EBF1: variants seen among roughly 807,000 people sequenced by gnomAD.
The protein encoded by EBF1 is EBF transcription factor 1, also known as transcription factor COE1.
Under a neutral mutation model 68.4 loss-of-function variants are expected in EBF1, and 10 were observed. The ratio of observed to expected loss-of-function variants is 0.15; its 90% CI spans 0.09 to 0.25. The LOEUF is 0.25. Ranked by LOEUF, EBF1 falls within the 10% of genes least tolerant of loss-of-function variation. The probability of loss-of-function intolerance (pLI) is 1.00; values close to 1 mark genes in which losing one functional copy is unlikely to be tolerated. For synonymous variants in EBF1, 298 were observed against 299.8 expected (o/e 0.99, Z 0.06); for missense variants, 509 against 794.4 (o/e 0.64, Z 4.32).
At chr5:159,093,398 C>T (rs1304057637) in intron 4 of EBF1, among the ~76,000 whole-genome samples, 1 of 152,190 alleles carries the variant, frequency 6.6e-6, no homozygotes, top group Non-Finnish European at 1.5e-5. Context: ...TATATCATTG[C>T]ATGCATTTAT....
chr5:158,792,903 C>A (rs1561941556), intron 9 of EBF1, among the ~76,000 whole-genome samples: 1 of 152,170 alleles, frequency 6.6e-6, no homozygotes, highest in Admixed American at 6.5e-5. Flanking sequence ...TTCTACCTGA[C>A]CTTGGAAGGT....
At chr5:158,833,454 C>T (rs1002579956) in intron 7 of EBF1, among the ~76,000 whole-genome samples, 2 of 152,182 alleles carry the variant, frequency 1.3e-5, no homozygotes, top group African/African-American at 2.4e-5. Flanking sequence ...CAGCTAATGG[C>T]AATTATTCTA....
At chr5:158,701,653 A>G in intron 15 of EBF1, among the ~76,000 whole-genome samples, 1 of 152,288 alleles carries the variant, frequency 6.6e-6, no homozygotes, top group East Asian at 1.9e-4. Flanking sequence ...ACCAAATGCC[A>G]CTGGGCAGGA....
chr5:158,942,561 GGTAA>G (rs747837929), intron 6 of EBF1, among the ~76,000 whole-genome samples: 57 of 152,250 alleles, frequency 3.7e-4, no homozygotes, highest in Admixed American at 2.4e-3. Flanking sequence ...ATTAGAATTG[GGTAA>G]GTGGGACTGG....
At chr5:159,051,298 T>C (rs1370742841) in intron 6 of EBF1, among the ~76,000 whole-genome samples, 1 of 151,872 alleles carries the variant, frequency 6.6e-6, no homozygotes, top group Non-Finnish European at 1.5e-5. Context: ...CTTTTCCTGG[T>C]TCCCCTTGGG....
At chr5:159,085,368 GC>G (rs900830537) in intron 4 of EBF1, among the ~76,000 whole-genome samples, 1 of 152,204 alleles carries the variant, frequency 6.6e-6, no homozygotes, top group Non-Finnish European at 1.5e-5. Flanking sequence ...GTGGATTTAA[GC>G]CATAAAGTTA....
In EBF1 at chr5:159,095,661, G is replaced by C; in HGVS notation, c.370C>G (p.Gln124Glu). The change falls in exon 4 of 16, where the codon CAG (glutamine) becomes GAG (glutamate). Residue 124 changes from glutamine (Q) to glutamate (E), a missense_variant. Gln to Glu is a conservative substitution (Grantham distance 29). This residue lies in a region of EBF1 where 230 missense variants were observed against 467.7 expected (regional missense o/e 0.49). Coordinates refer to ENST00000313708, the MANE Select transcript of EBF1 (RefSeq NM_024007.5). ...LLYSNGIRTE[Q>E]DFYVRLIDSM... ...TCAATGAGGCGCACGTAGAAATCCT[G>C]CTCCGTCCTTATCCCTAGGGTTGGA... 1 of 1,614,060 alleles carries C rather than the reference G, an allele frequency of 6.2e-7. No individual in the cohort carries two copies. The highest frequency in any genetic ancestry group is 8.5e-7 in the Non-Finnish European group (1 of 1,179,946).
chr5:158,904,122 G>A (rs1010754668), intron 6 of EBF1, among the ~76,000 whole-genome samples: 1 of 152,178 alleles, frequency 6.6e-6, no homozygotes, highest in Non-Finnish European at 1.5e-5. Context: ...GCAAGGGGAA[G>A]GAATGCTTGA....
In EBF1 at chr5:159,039,646, C is replaced by G. The variant is rs191035497; in HGVS notation, c.554+33750G>C. 3.4e-3 allele frequency among the ~76,000 whole-genome samples: 522 copies of G among 152,292 alleles called. 4 individuals are homozygous for G. Among genetic ancestry groups the G allele is most frequent in the South Asian group, 0.011 (51 of 4,830 alleles). On this transcript the variant is annotated intron_variant, in intron 6 of 15. Transcript: ENST00000313708. ...CTTTTTTATTTGGAGTTCCCCATTTCAGAAGAAAAATTATTTAAATATTAA... is the reference window on the plus strand; with the variant it reads ...CTTTTTTATTTGGAGTTCCCCATTTGAGAAGAAAAATTATTTAAATATTAA...
rs1174440759 is a variant in EBF1, at chr5:158,953,462, C to T, written c.555-113352G>A. 2.0e-5 allele frequency among the ~76,000 whole-genome samples: 3 copies of T among 152,180 alleles called. No homozygotes were observed. The East Asian group carries it at 5.8e-4, about 29-fold the overall frequency. On this transcript the variant is annotated intron_variant, in intron 6 of 15. Transcript: ENST00000313708. Reference sequence around the variant, plus strand: ...CCTGTCCAGTCCGGAGAGTTTGGGCCTCTTTCACAAAATCCAATGACTTGA... The same window carrying T: ...CCTGTCCAGTCCGGAGAGTTTGGGCTTCTTTCACAAAATCCAATGACTTGA...
intron 10 of EBF1, among the ~76,000 whole-genome samples, chr5:158,742,711 C>T (rs1430334267): frequency 6.6e-6 from 1 of 152,148 alleles, no homozygotes; most frequent in East Asian, 1.9e-4. Context: ...TCAACCTTCC[C>T]CATCTCCTTT....
intron 7 of EBF1, among the ~76,000 whole-genome samples, chr5:158,838,957 G>T (rs1229642637): frequency 6.6e-6 from 1 of 152,128 alleles, no homozygotes; most frequent in Non-Finnish European, 1.5e-5. Flanking sequence ...CGGTGGCCTT[G>T]GCATCATACA....
intron 6 of EBF1, among the ~76,000 whole-genome samples, chr5:158,913,005 C>T (rs1014253640): frequency 6.6e-5 from 10 of 152,182 alleles, no homozygotes; most frequent in Non-Finnish European, 1.3e-4. Context: ...CTGATATAAT[C>T]AACATCCATT....
chr5:158,824,317 C>A (rs1254123499), intron 7 of EBF1, among the ~76,000 whole-genome samples: 1 of 152,196 alleles, frequency 6.6e-6, no homozygotes, highest in Non-Finnish European at 1.5e-5. Flanking sequence ...CCATTATCAG[C>A]CCCTGTCAGC....
intron 10 of EBF1, among the ~76,000 whole-genome samples, chr5:158,767,609 G>A (rs1411177524): frequency 6.6e-6 from 1 of 151,964 alleles, no homozygotes; most frequent in Non-Finnish European, 1.5e-5. Flanking sequence ...CAGATTCTCA[G>A]GGGTGGCACC....
intron 6 of EBF1, among the ~76,000 whole-genome samples, chr5:159,061,064 C>T (rs1188576150): frequency 6.6e-6 from 1 of 151,920 alleles, no homozygotes; most frequent in Non-Finnish European, 1.5e-5. Context: ...TCCTTCCAAA[C>T]CGGAGTGTTT....
intron 6 of EBF1, among the ~76,000 whole-genome samples, chr5:159,044,817 C>T (rs567224935): frequency 6.6e-6 from 1 of 152,152 alleles, no homozygotes; most frequent in South Asian, 2.1e-4. Context: ...TATTTCATAT[C>T]CCCTTTCTCT....
chr5:159,084,590 CA>C, intron 5 of EBF1, 75 bp downstream of exon 5: 1 of 1,224,856 alleles, frequency 8.2e-7, no homozygotes, highest in South Asian at 2.0e-5. Context: ...AAAAAAAGAC[CA>C]AAGTTCACCA....
chr5:158,993,933 G>C (rs560391149), intron 6 of EBF1, among the ~76,000 whole-genome samples: 1 of 152,332 alleles, frequency 6.6e-6, no homozygotes, highest in South Asian at 2.1e-4. Context: ...AGGTAAATAG[G>C]CAGGCAGACA....
Sources: allele counts gnomAD v4.1 joint callset (sites outside exome capture counted in the v4.1 genomes callset), GRCh38; gene constraint gnomAD v4.1.1; regional missense constraint gnomAD v4.1.1; transcripts MANE v1.5; gene names NCBI Gene and HGNC (gene_info 2026-07-23, HGNC 2026-07-21).